KIAA1217: variants seen among roughly 807,000 people sequenced by gnomAD.
KIAA1217 encodes the protein sickle tail protein homolog.
KIAA1217 carries 88 observed loss-of-function variants against 163.9 expected under a neutral mutation model. That is an observed-to-expected ratio of 0.54 (90% CI 0.45 to 0.64). KIAA1217 has a LOEUF of 0.64. Among genes scored for constraint, KIAA1217 ranks in the 30% least tolerant of loss-of-function variants. KIAA1217 has a pLI of 0.00. For missense variants in KIAA1217, 2,372 were observed against 2,475.0 expected (o/e 0.96, Z 0.88); for synonymous variants, 903 against 923.1 (o/e 0.98, Z 0.39).
chr10:24,015,786 GAA>G (rs2131500965), intron 2 of KIAA1217, among the ~76,000 whole-genome samples: 1 of 150,134 alleles, frequency 6.7e-6, no homozygotes, highest in South Asian at 2.1e-4. Context: ...AAAAAGGAAA[GAA>G]AGAAAGAAAG....
intron 6 of KIAA1217, 27 bp downstream of exon 6, chr10:24,474,087 G>T (rs369294646): frequency 9.3e-5 from 143 of 1,537,238 alleles, no homozygotes; most frequent in Non-Finnish European, 1.2e-4. Context: ...GTGACCGAGG[G>T]TGGTACCTGG....
At position 23,876,221 on chromosome 10, in the gene KIAA1217, A is replaced by G. The variant is rs552195462; in HGVS notation, c.-320-131004A>G. On this transcript the variant is annotated intron_variant, in intron 1 of 18. Coordinates refer to the KIAA1217 transcript ENST00000376462. ...GGATGCCATTATCCTGAGTGAATTA[A>G]CACAGAAACAGAAATGCAAATGCTG... 4.7e-4 allele frequency among the ~76,000 whole-genome samples: 72 copies of G among 152,038 alleles called. 1 individual carries two copies. Among genetic ancestry groups the G allele is most frequent in the South Asian group, 6.2e-4 (3 of 4,814 alleles).
chr10:23,818,740 A>G (rs1409412801), intron 1 of KIAA1217, among the ~76,000 whole-genome samples: 1 of 152,178 alleles, frequency 6.6e-6, no homozygotes, highest in Non-Finnish European at 1.5e-5. Flanking sequence ...GTCCTTTGGC[A>G]GGGCTTAAGG....
At chr10:23,859,009 A>T (rs1337631073) in intron 1 of KIAA1217, among the ~76,000 whole-genome samples, 1 of 152,232 alleles carries the variant, frequency 6.6e-6, no homozygotes, top group Non-Finnish European at 1.5e-5. Flanking sequence ...ATTTAAACTT[A>T]TTCTAAGCCA....
At chr10:23,785,419 G>A (rs1378397241) in intron 1 of KIAA1217, among the ~76,000 whole-genome samples, 1 of 152,174 alleles carries the variant, frequency 6.6e-6, no homozygotes, top group African/African-American at 2.4e-5. Context: ...TTGACATAGA[G>A]TTTTATAATT....
rs547473093 is a variant in KIAA1217 at position 23,981,404 on chromosome 10, T to C, written c.-320-25821T>C. Among the ~76,000 whole-genome samples the C allele has an allele frequency of 6.6e-5, 10 of 152,302 alleles. No homozygotes were observed. The East Asian group carries it at 1.5e-3, about 24-fold the overall frequency. On this transcript the variant is annotated intron_variant, in intron 1 of 18. Coordinates refer to the KIAA1217 transcript ENST00000376462. ...AGTCAACCAAAATGTTATCTCACAG[T>C]CTTTGTTCAACGTGGGCAGATTGGG... is the stretch of plus-strand genomic sequence containing the variant.
intron 1 of KIAA1217, among the ~76,000 whole-genome samples, chr10:23,741,815 A>T (rs1056981369): frequency 3.3e-5 from 5 of 152,306 alleles, no homozygotes; most frequent in Middle Eastern, 3.4e-3. Context: ...GGCACAGGGG[A>T]TAGAGCTCTG....
At chr10:23,712,405 A>G (rs1277262042) in intron 1 of KIAA1217, among the ~76,000 whole-genome samples, 1 of 151,748 alleles carries the variant, frequency 6.6e-6, no homozygotes, top group African/African-American at 2.4e-5. Flanking sequence ...CTTGGCTACC[A>G]TTATAAGCCA....
chr10:24,005,380 A>ACAGTCAG (rs914822205), intron 1 of KIAA1217, among the ~76,000 whole-genome samples: 7 of 152,214 alleles, frequency 4.6e-5, no homozygotes, highest in African/African-American at 1.7e-4. Context: ...CACTACAGGG[A>ACAGTCAG]CAGTCAGGCA....
At chr10:23,967,706 T>C (rs1260059387) in intron 1 of KIAA1217, among the ~76,000 whole-genome samples, 1 of 152,192 alleles carries the variant, frequency 6.6e-6, no homozygotes, top group East Asian at 1.9e-4. Context: ...ATAATGCATT[T>C]ATTTTTTAAT....
rs1372010490 is a variant in KIAA1217, at chr10:24,521,911, T to C, written c.2438T>C (p.Val813Ala). 2 of 1,611,786 alleles carry C rather than the reference T, an allele frequency of 1.2e-6. No homozygotes were observed. Among genetic ancestry groups the C allele is most frequent in the Non-Finnish European group, 1.7e-6 (2 of 1,179,302 alleles). Residue 813 changes from valine to alanine, a missense_variant, in exon 12 of 21, where the codon GTC becomes GCC. This residue lies in a region of KIAA1217 where 1,431 missense variants were observed against 1,470.3 expected (regional missense o/e 0.97). Coordinates refer to ENST00000376454, the MANE Select transcript of KIAA1217 (RefSeq NM_019590.5). ...AAGCGTGTGCGCAGCATGACAGACG[T>C]CCTGACCATGCTGCGGAGGTGACCG... ...LLKRVRSMTD[V>A]LTMLRRHVTD...
intron 1 of KIAA1217, among the ~76,000 whole-genome samples, chr10:23,816,842 T>A (rs1837334234): frequency 6.6e-6 from 1 of 152,136 alleles, no homozygotes; most frequent in Non-Finnish European, 1.5e-5. Flanking sequence ...AAATCGGCCT[T>A]TGGGCACTAT....
Position 24,473,562 on chromosome 10 carries a change from C to G in KIAA1217, c.1181C>G (p.Ala394Gly). Residue 394 changes from alanine to glycine, a missense_variant, in exon 6 of 21, where the codon GCT (alanine) becomes GGT (glycine). This residue lies in a region of KIAA1217 where 1,431 missense variants were observed against 1,470.3 expected (regional missense o/e 0.97). Coordinates refer to ENST00000376454, the MANE Select transcript of KIAA1217 (RefSeq NM_019590.5). ...ATGTACAGAAATGAGGGTTTCTATGCTGATCCTTACCTTTATCACGAGGGA... is the reference window on the plus strand; with the variant it reads ...ATGTACAGAAATGAGGGTTTCTATGGTGATCCTTACCTTTATCACGAGGGA... The part of the protein sequence containing the change: ...IAMYRNEGFY[A>G]DPYLYHEGRM... 1 of 1,614,166 alleles carries G rather than the reference C, an allele frequency of 6.2e-7. No individual in the cohort carries two copies.
intron 1 of KIAA1217, among the ~76,000 whole-genome samples, chr10:23,823,212 GCA>G (rs1837708700): frequency 6.6e-6 from 1 of 152,212 alleles, no homozygotes; most frequent in African/African-American, 2.4e-5. Flanking sequence ...CCACTTCTAA[GCA>G]CATTCAGGTT....
In KIAA1217 at chr10:24,102,826, C is replaced by T. The variant is rs546579705; in HGVS notation, c.-171+95452C>T. On this transcript the variant is annotated intron_variant, in intron 2 of 18. Transcript: ENST00000376462. ...TGTTTGGCTGTGTCCCTACCCAAGTCTCATCTTGAATTGTAGTTCCCATAA... is the reference window on the plus strand; with the variant it reads ...TGTTTGGCTGTGTCCCTACCCAAGTTTCATCTTGAATTGTAGTTCCCATAA... Among the ~76,000 whole-genome samples, 97 of 152,292 alleles carry T rather than the reference C, an allele frequency of 6.4e-4. No homozygotes were observed. The South Asian group carries it at 8.1e-3, about 13-fold the overall frequency.
intron 1 of KIAA1217, among the ~76,000 whole-genome samples, chr10:23,979,823 C>T (rs1481403046): frequency 2.0e-5 from 3 of 152,124 alleles, no homozygotes; most frequent in South Asian, 2.1e-4. Context: ...AAACTGGGAC[C>T]TTCCTTTGCT....
At position 24,545,928 on chromosome 10, in the gene KIAA1217, C is replaced by T. The variant is rs753978125; in HGVS notation, c.5436C>T (p.Ser1812=). 1 of 1,614,176 alleles carries T rather than the reference C, an allele frequency of 6.2e-7. No individual in the cohort carries two copies. The change falls in exon 21 of 21, where the codon AGC becomes AGT. Residue 1812 remains serine, a synonymous_variant. Transcript: ENST00000376454. ...IPALSPSSGK[S]SSLPSSSGDS... The stretch of plus-strand genomic sequence containing the variant: ...CCCTTTCTCCCAGCTCTGGGAAAAG[C>T]AGTTCTCTGCCCTCTTCTAGTGGTG...
chr10:24,152,842 C>T (rs962834464), intron 2 of KIAA1217, among the ~76,000 whole-genome samples: 3 of 151,918 alleles, frequency 2.0e-5, no homozygotes, highest in East Asian at 1.9e-4. Flanking sequence ...TTACTAAAAA[C>T]GATCTGCTCC....
At chr10:23,792,924 G>A (rs948203530) in intron 1 of KIAA1217, among the ~76,000 whole-genome samples, 4 of 152,104 alleles carry the variant, frequency 2.6e-5, no homozygotes, top group African/African-American at 4.8e-5. Flanking sequence ...CTCTGAGCCA[G>A]TGTTATGTTT....
Sources: allele counts gnomAD v4.1 joint callset (sites outside exome capture counted in the v4.1 genomes callset), GRCh38; gene constraint gnomAD v4.1.1; regional missense constraint gnomAD v4.1.1; transcripts MANE v1.5; gene names NCBI Gene and HGNC (gene_info 2026-07-23, HGNC 2026-07-21).